Variants in STK17B observed in about 807,000 individuals in gnomAD.
The protein encoded by STK17B is serine/threonine kinase 17b.
Under a neutral mutation model 42.0 loss-of-function variants are expected in STK17B, and 21 were observed. That is an observed-to-expected ratio of 0.50 (90% CI 0.35 to 0.72). The LOEUF (loss-of-function observed/expected upper bound fraction) is 0.72, where lower values mean the gene tolerates loss of function less well. STK17B is among the 30% of genes least tolerant of loss of function. The pLI, the probability that STK17B is intolerant of heterozygous loss-of-function variation, is 0.00. For missense variants in STK17B, 349 were observed against 446.0 expected (o/e 0.78, Z 1.96); for synonymous variants, 143 against 148.4 (o/e 0.96, Z 0.26).
chr2:196,141,457 G>T (rs909628328), intron 5 of STK17B, among the ~76,000 whole-genome samples, 160 bp from the exon 6 acceptor site: 1 of 152,114 alleles, frequency 6.6e-6, no homozygotes, highest in Non-Finnish European at 1.5e-5. Flanking sequence ...ATCACAGTTC[G>T]AGACCAGCCT....
intron 2 of STK17B, among the ~76,000 whole-genome samples, chr2:196,162,585 T>A (rs1348311918): frequency 6.6e-6 from 1 of 152,080 alleles, no homozygotes; most frequent in Non-Finnish European, 1.5e-5. Context: ...ACTTTTCAGA[T>A]GAGGAAACGA....
chr2:196,168,441 AT>A (rs1389337670), intron 1 of STK17B, among the ~76,000 whole-genome samples: 1 of 152,206 alleles, frequency 6.6e-6, no homozygotes, highest in Non-Finnish European at 1.5e-5. Flanking sequence ...GTTGTAAAAT[AT>A]TGTTTACTTA....
intron 2 of STK17B, among the ~76,000 whole-genome samples, chr2:196,159,512 A>C (rs1248564790): frequency 6.6e-6 from 1 of 151,952 alleles, no homozygotes; most frequent in African/African-American, 2.4e-5. Context: ...GTGTCTCCCT[A>C]TGTTGCCCAG....
intron 7 of STK17B, 71 bp downstream of exon 7, chr2:196,139,549 A>T: frequency 2.1e-6 from 2 of 954,008 alleles, no homozygotes; most frequent in Non-Finnish European, 2.8e-6. Flanking sequence ...TAATAGGTAT[A>T]TATTATTTAT....
At chr2:196,167,752 C>A (rs1699890034) in intron 1 of STK17B, among the ~76,000 whole-genome samples, 1 of 152,158 alleles carries the variant, frequency 6.6e-6, no homozygotes, top group Admixed American at 6.5e-5. Flanking sequence ...CTCCAAAAAT[C>A]AGGAGATTCA....
chr2:196,145,906 G>A lies in STK17B; in HGVS notation c.480+5C>T. 1.3e-6 allele frequency: 2 copies of A among 1,561,676 alleles called. No individual in the cohort carries two copies. The highest frequency in any genetic ancestry group is 1.2e-5 in the South Asian group (1 of 83,090). ...GTTGCATTACTTTAAATCACGTTAC[G>A]TTACCTTTAAATCAAGGTGTACAAT... is the stretch of plus-strand genomic sequence containing the variant. On this transcript the variant is annotated splice_donor_5th_base_variant and intron_variant, in intron 4 of 7. Coordinates refer to ENST00000263955, the MANE Select transcript of STK17B (RefSeq NM_004226.4).
In STK17B at chr2:196,156,548, C is replaced by G; in HGVS notation, c.226G>C (p.Glu76Gln). ...KRRRGQDCRA[E>Q]ILHEIAVLEL... ...AGCACAGCAATCTCGTGTAAAATTT[C>G]TGCTCGACAATCCTGTCCTCTTCTT... The change falls in exon 3 of 8, where the codon GAA becomes CAA. Residue 76 changes from glutamate (E) to glutamine (Q), a missense_variant. Glu to Gln is a conservative substitution (Grantham distance 29). This residue lies in a region of STK17B where 256 missense variants were observed against 347.7 expected (regional missense o/e 0.74). Transcript: ENST00000263955. 6.2e-7 allele frequency: 1 copy of G among 1,614,096 alleles called. No homozygotes were observed. Among genetic ancestry groups the G allele is most frequent in the Non-Finnish European group, 8.5e-7 (1 of 1,179,992 alleles).
At chr2:196,146,266 G>T (rs1699573654) in intron 3 of STK17B, among the ~76,000 whole-genome samples, 1 of 152,134 alleles carries the variant, frequency 6.6e-6, no homozygotes, top group Non-Finnish European at 1.5e-5. Context: ...CAGCACTTTG[G>T]GAGGCTGAGA....
At chr2:196,162,217 C>G (rs575590239) in intron 2 of STK17B, among the ~76,000 whole-genome samples, 8 of 152,054 alleles carry the variant, frequency 5.3e-5, no homozygotes, top group Non-Finnish European at 1.0e-4. Flanking sequence ...AATGGTAGTA[C>G]AGAATGGTTT....
chr2:196,143,777 C>T, intron 4 of STK17B, 91 bp from the exon 5 acceptor site: 2 of 1,151,336 alleles, frequency 1.7e-6, no homozygotes, highest in Non-Finnish European at 2.3e-6. Context: ...AGATATTGCT[C>T]AGCTATTATA....
chr2:196,160,851 TGC>T (rs1699802439), intron 2 of STK17B, among the ~76,000 whole-genome samples: 1 of 152,204 alleles, frequency 6.6e-6, no homozygotes, highest in South Asian at 2.1e-4. Context: ...CTAAAAAGTA[TGC>T]CTAATTCAAC....
chr2:196,165,262 G>T (rs569304856), intron 1 of STK17B, among the ~76,000 whole-genome samples: 4 of 152,140 alleles, frequency 2.6e-5, no homozygotes, highest in Admixed American at 1.3e-4. Flanking sequence ...AGCCAAGAGG[G>T]CAGGCCTCAG....
At chr2:196,172,948 A>G (rs1164975584), upstream of STK17B, among the ~76,000 whole-genome samples, 1 of 152,116 alleles carries the variant, frequency 6.6e-6, no homozygotes, top group Non-Finnish European at 1.5e-5. Flanking sequence ...ACCAGTACCA[A>G]AACTAGTAAC....
chr2:196,149,706 A>C (rs1328823066), intron 3 of STK17B, among the ~76,000 whole-genome samples: 1 of 152,230 alleles, frequency 6.6e-6, no homozygotes, highest in Non-Finnish European at 1.5e-5. Flanking sequence ...TGTTGTCTCT[A>C]AAAGTACATA....
intron 3 of STK17B, among the ~76,000 whole-genome samples, chr2:196,146,727 T>TTA (rs550347865): frequency 2.0e-5 from 3 of 152,064 alleles, no homozygotes; most frequent in East Asian, 1.9e-4. Flanking sequence ...ATATGAATTC[T>TTA]TATATATATA....
At chr2:196,155,461 T>C (rs1013153754) in intron 3 of STK17B, among the ~76,000 whole-genome samples, 2 of 152,188 alleles carry the variant, frequency 1.3e-5, no homozygotes, top group African/African-American at 2.4e-5. Flanking sequence ...AAAACATTAA[T>C]TTTAAAATAA....
chr2:196,145,863 C>T (rs199697507), intron 4 of STK17B, 48 bp downstream of exon 4: 3 of 1,508,270 alleles, frequency 2.0e-6, no homozygotes, highest in East Asian at 2.4e-5. Flanking sequence ...ATACTAAGAG[C>T]AGAAGAAGAA....
rs183869714 is a variant in STK17B, at chr2:196,158,119, T to C, written c.123-1468A>G. On this transcript the variant is annotated intron_variant, in intron 2 of 7. Coordinates refer to ENST00000263955, the MANE Select transcript of STK17B (RefSeq NM_004226.4). ...TCTTTAGGAAGCAATGTTTGTTCCATAACTCCTCTTGCCTCAATTCCCTTC... is the reference window on the plus strand; with the variant it reads ...TCTTTAGGAAGCAATGTTTGTTCCACAACTCCTCTTGCCTCAATTCCCTTC... Among the ~76,000 whole-genome samples the C allele has an allele frequency of 3.0e-3, 451 of 152,322 alleles. 1 individual carries two copies. Among genetic ancestry groups the C allele is most frequent in the African/African-American group, 0.01 (434 of 41,580 alleles).
intron 4 of STK17B, among the ~76,000 whole-genome samples, chr2:196,144,501 A>C (rs1699542625): frequency 2.9e-5 from 1 of 34,704 alleles, no homozygotes; most frequent in South Asian, 9.9e-4. Flanking sequence ...AAAAAAAAAA[A>C]AAAAAAAAAA....
Sources: gnomAD v4.1 joint callset for allele counts (sites outside exome capture counted in the v4.1 genomes callset) on GRCh38, gnomAD v4.1.1 for gene constraint, gnomAD v4.1.1 regional missense constraint, MANE v1.5 for transcripts, NCBI Gene and HGNC (gene_info 2026-07-23, HGNC 2026-07-21) for gene names.